The following REEP3 variants were observed in gnomAD, a reference collection of about 807,000 sequenced individuals.
The protein encoded by REEP3 is receptor accessory protein 3.
Under a neutral mutation model 41.3 loss-of-function variants are expected in REEP3, and 20 were observed. That is an observed-to-expected ratio of 0.48 (90% CI 0.34 to 0.70). REEP3 has a LOEUF of 0.70. Ranked by LOEUF, REEP3 falls within the 30% of genes least tolerant of loss-of-function variation. The pLI is 0.01. For missense variants in REEP3, 271 were observed against 308.8 expected (o/e 0.88, Z 0.92); for synonymous variants, 104 against 101.8 (o/e 1.02, Z -0.13).
chr10:63,585,999 A>C (rs1367561260), intron 2 of REEP3, among the ~76,000 whole-genome samples: 2 of 152,338 alleles, frequency 1.3e-5, no homozygotes, highest in South Asian at 4.1e-4. Flanking sequence ...CTAAGAATGT[A>C]AATCATAGAA....
rs193056663 is a variant in REEP3, at chr10:63,602,797, C to T, written c.417+3514C>T. 8.4e-4 allele frequency among the ~76,000 whole-genome samples: 128 copies of T among 152,260 alleles called. 2 individuals are homozygous for T. Among genetic ancestry groups the T allele is most frequent in the Admixed American group, 7.6e-3 (117 of 15,298 alleles). ...CCTCATTTATTTTTATCTTACACTT[C>T]GCCTCCATTGGTATTTAGCATTCTA... On this transcript the variant is annotated intron_variant, in intron 5 of 7. Transcript: ENST00000373758.
At chr10:63,611,251 A>T (rs895414518) in intron 6 of REEP3, among the ~76,000 whole-genome samples, 6 of 152,134 alleles carry the variant, frequency 3.9e-5, no homozygotes, top group African/African-American at 1.4e-4. Context: ...CTGTGCACTG[A>T]CATCTAAGAA....
chr10:63,582,595 A>G (rs182110325), intron 2 of REEP3, among the ~76,000 whole-genome samples: 11 of 152,366 alleles, frequency 7.2e-5, no homozygotes, highest in Non-Finnish European at 1.6e-4. Flanking sequence ...TAGAAAAATA[A>G]TATTTTAGTA....
intron 2 of REEP3, among the ~76,000 whole-genome samples, chr10:63,569,069 G>C (rs1333396877): frequency 1.3e-5 from 2 of 152,150 alleles, no homozygotes; most frequent in African/African-American, 4.8e-5. Context: ...CAGTAACACA[G>C]TAGTGCTTTT....
intron 1 of REEP3, among the ~76,000 whole-genome samples, chr10:63,554,933 T>A (rs1955663621): frequency 6.6e-6 from 1 of 152,136 alleles, no homozygotes; most frequent in Non-Finnish European, 1.5e-5. Flanking sequence ...GTGGTTGTAG[T>A]GGGGCGTGGC....
intron 1 of REEP3, among the ~76,000 whole-genome samples, chr10:63,540,129 A>G (rs1955515681): frequency 6.6e-6 from 1 of 152,202 alleles, no homozygotes; most frequent in Non-Finnish European, 1.5e-5. Flanking sequence ...TGATTTTTCT[A>G]GACAAACTTG....
At chr10:63,563,393 C>G (rs570038016) in intron 1 of REEP3, among the ~76,000 whole-genome samples, 2 of 152,288 alleles carry the variant, frequency 1.3e-5, no homozygotes, top group Non-Finnish European at 2.9e-5. Flanking sequence ...ATAAAAGGAA[C>G]TGGGGCTCCT....
chr10:63,574,388 C>A (rs1955879329), intron 2 of REEP3, among the ~76,000 whole-genome samples: 1 of 152,128 alleles, frequency 6.6e-6, no homozygotes, highest in South Asian at 2.1e-4. Context: ...TGGAAACAGG[C>A]TTCCTAGGTT....
chr10:63,549,554 C>T (rs1004404498), intron 1 of REEP3, among the ~76,000 whole-genome samples: 1 of 151,952 alleles, frequency 6.6e-6, no homozygotes, highest in African/African-American at 2.4e-5. Flanking sequence ...GTGACGTTGT[C>T]GAAGGGAATA....
intron 2 of REEP3, among the ~76,000 whole-genome samples, chr10:63,586,586 T>C (rs925554193): frequency 6.6e-6 from 1 of 152,252 alleles, no homozygotes; most frequent in Non-Finnish European, 1.5e-5. Flanking sequence ...TGCCATTTCA[T>C]TGTGACCACT....
intron 1 of REEP3, among the ~76,000 whole-genome samples, chr10:63,548,695 CA>C (rs1292512320): frequency 6.6e-6 from 1 of 151,080 alleles, no homozygotes; most frequent in Non-Finnish European, 1.5e-5. Flanking sequence ...GCAAAATGAA[CA>C]AAAATGTAAC....
At chr10:63,540,346 A>G (rs1335098918) in intron 1 of REEP3, among the ~76,000 whole-genome samples, 2 of 152,246 alleles carry the variant, frequency 1.3e-5, no homozygotes, top group Non-Finnish European at 2.9e-5. Flanking sequence ...CATTTGTAGC[A>G]ATACACATTT....
At chr10:63,602,407 T>G (rs1383599365) in intron 5 of REEP3, among the ~76,000 whole-genome samples, 1 of 152,230 alleles carries the variant, frequency 6.6e-6, no homozygotes, top group African/African-American at 2.4e-5. Flanking sequence ...CATTTTTGAT[T>G]TTGCAAATCA....
intron 1 of REEP3, chr10:63,521,789 G>C (rs1406347054): frequency 3.1e-6 from 1 of 321,986 alleles, no homozygotes; most frequent in Non-Finnish European, 5.7e-6. Flanking sequence ...GCCTAGCTGC[G>C]GCGACTGCGG....
At chr10:63,551,386 A>G (rs2133361138) in intron 1 of REEP3, among the ~76,000 whole-genome samples, 1 of 152,278 alleles carries the variant, frequency 6.6e-6, no homozygotes, top group Middle Eastern at 3.4e-3. Flanking sequence ...GAATAGGTAA[A>G]TCTCTCCTGG....
Position 63,618,339 on chromosome 10 carries a change from G to A in REEP3, c.566-1316G>A, listed in dbSNP as rs575200047. Reference sequence around the variant, plus strand: ...CAGCTCACTGCAAGCTCCGCCTCCCGGATTCATGCCATTCTCCTGCCCCAG... The same window carrying A: ...CAGCTCACTGCAAGCTCCGCCTCCCAGATTCATGCCATTCTCCTGCCCCAG... On this transcript the variant is annotated intron_variant, in intron 6 of 7. Transcript: ENST00000373758. 2.8e-5 allele frequency among the ~76,000 whole-genome samples: 4 copies of A among 140,922 alleles called. No homozygotes were observed. The South Asian group carries it at 7.0e-4, about 25-fold the overall frequency. 92.5% of individuals were successfully genotyped at this position (140,922 alleles called of 152,430 possible).
rs192308847 is a variant in REEP3, at chr10:63,596,769, T to C, written c.183-1255T>C. Among the ~76,000 whole-genome samples, 3 of 152,276 alleles carry C rather than the reference T, an allele frequency of 2.0e-5. No homozygotes were observed. In the East Asian group the frequency reaches 5.8e-4, roughly 29 times the overall value. ...GCATCTTTGCTGGGGTCAGGTCACTTTTGCTGTTGTTTCTGTTGTTGTTTT... is the reference window on the plus strand; with the variant it reads ...GCATCTTTGCTGGGGTCAGGTCACTCTTGCTGTTGTTTCTGTTGTTGTTTT... On this transcript the variant is annotated intron_variant, in intron 3 of 7. Coordinates refer to ENST00000373758, the MANE Select transcript of REEP3 (RefSeq NM_001001330.3).
chr10:63,536,591 C>T (rs1475429769), intron 1 of REEP3, among the ~76,000 whole-genome samples: 3 of 151,842 alleles, frequency 2.0e-5, no homozygotes, highest in Admixed American at 6.6e-5. Flanking sequence ...TAAAAAACGT[C>T]AACAGTTACA....
intron 1 of REEP3, among the ~76,000 whole-genome samples, chr10:63,538,461 C>T (rs1564993214): frequency 6.6e-6 from 1 of 152,094 alleles, no homozygotes; most frequent in Non-Finnish European, 1.5e-5. Context: ...GGGCCGGGTG[C>T]GGTGGCTCAC....
Sources: gnomAD v4.1 joint callset for allele counts (sites outside exome capture counted in the v4.1 genomes callset) on GRCh38, gnomAD v4.1.1 for gene constraint, MANE v1.5 for transcripts, NCBI Gene and HGNC (gene_info 2026-07-23, HGNC 2026-07-21) for gene names.